Variants in OSBPL9 observed in about 807,000 individuals in gnomAD.
OSBPL9 encodes oxysterol binding protein like 9, also known as oxysterol-binding protein-related protein 9.
Under a neutral mutation model 106.6 loss-of-function variants are expected in OSBPL9, and 40 were observed. That is an observed-to-expected ratio of 0.38 (90% CI 0.29 to 0.49). The LOEUF is 0.49. Ranked by LOEUF, OSBPL9 falls within the 20% of genes least tolerant of loss-of-function variation. OSBPL9 has a pLI of 0.97. For synonymous variants in OSBPL9, 269 were observed against 295.4 expected (o/e 0.91, Z 0.92); for missense variants, 609 against 887.2 (o/e 0.69, Z 3.98).
chr1:51,743,927 A>G (rs1266186829), intron 4 of OSBPL9, among the ~76,000 whole-genome samples: 1 of 152,144 alleles, frequency 6.6e-6, no homozygotes, highest in Non-Finnish European at 1.5e-5. Context: ...GTTTAAACAC[A>G]GTTTTATAAA....
intron 15 of OSBPL9, among the ~76,000 whole-genome samples, chr1:51,777,533 C>T (rs1023623789): frequency 2.0e-5 from 3 of 152,254 alleles, no homozygotes; most frequent in African/African-American, 7.2e-5. Flanking sequence ...AGTTCGTCTT[C>T]TCTGCATTCC....
chr1:51,606,819 C>A (rs978359357), intron 2 of OSBPL9, among the ~76,000 whole-genome samples: 3 of 152,096 alleles, frequency 2.0e-5, no homozygotes, highest in East Asian at 1.9e-4. Flanking sequence ...GAGGCCAAGG[C>A]GGGCAGATCA....
chr1:51,540,522 C>T, the OSBPL9 span, among the ~76,000 whole-genome samples: 34 of 151,624 alleles, frequency 2.2e-4, no homozygotes, highest in East Asian at 2.9e-3. Flanking sequence ...GGCGTGGTGG[C>T]GCACGCCTGC....
At chr1:51,618,271 G>A (rs1217578715) in intron 1 of OSBPL9, among the ~76,000 whole-genome samples, 1 of 151,982 alleles carries the variant, frequency 6.6e-6, no homozygotes, top group Non-Finnish European at 1.5e-5. Context: ...CACCCGCCTC[G>A]GCCTCCCAAA....
chr1:51,669,009 A>G (rs1015900651), intron 2 of OSBPL9, among the ~76,000 whole-genome samples: 5 of 152,202 alleles, frequency 3.3e-5, no homozygotes, highest in African/African-American at 4.8e-5. Context: ...ACTAACAAGT[A>G]TATACTATCA....
intron 3 of OSBPL9, among the ~76,000 whole-genome samples, chr1:51,692,078 A>T (rs1655088272): frequency 6.6e-6 from 1 of 152,190 alleles, no homozygotes; most frequent in South Asian, 2.1e-4. Context: ...GAGGCCAGGC[A>T]GGAGGATTGC....
chr1:51,711,999 C>G (rs1660109460), intron 3 of OSBPL9, among the ~76,000 whole-genome samples: 1 of 152,074 alleles, frequency 6.6e-6, no homozygotes, highest in African/African-American at 2.4e-5. Flanking sequence ...CTCCTCACTT[C>G]CCAGACGGGG....
chr1:51,540,762 C>T, the OSBPL9 span, among the ~76,000 whole-genome samples: 7 of 151,980 alleles, frequency 4.6e-5, no homozygotes, highest in African/African-American at 1.2e-4. Flanking sequence ...AATTCCAGAC[C>T]AGCCTGGCCA....
intron 4 of OSBPL9, among the ~76,000 whole-genome samples, chr1:51,719,965 T>C (rs1661771713): frequency 6.6e-6 from 1 of 152,258 alleles, no homozygotes; most frequent in Admixed American, 6.5e-5. Flanking sequence ...CACTACCATG[T>C]GGAACGTGAT....
intron 1 of OSBPL9, among the ~76,000 whole-genome samples, chr1:51,582,519 G>A (rs1013233785): frequency 3.9e-5 from 6 of 151,906 alleles, no homozygotes; most frequent in South Asian, 2.1e-4. Context: ...TAGTAGAGAC[G>A]GGGTTTCACC....
chr1:51,780,093 A>G (rs1433522938), intron 15 of OSBPL9, among the ~76,000 whole-genome samples: 1 of 151,896 alleles, frequency 6.6e-6, no homozygotes, highest in Non-Finnish European at 1.5e-5. Flanking sequence ...GAAAAAAAAA[A>G]AAAAGGCCAA....
chr1:51,582,647 A>C (rs1344805974), intron 1 of OSBPL9, among the ~76,000 whole-genome samples: 1 of 151,254 alleles, frequency 6.6e-6, no homozygotes, highest in Non-Finnish European at 1.5e-5. Context: ...TTTTCAATAG[A>C]TTTCCTTCCT....
chr1:51,522,249 T>C, the OSBPL9 span, among the ~76,000 whole-genome samples: 1 of 152,204 alleles, frequency 6.6e-6, no homozygotes, highest in African/African-American at 2.4e-5. Context: ...GACAGCAGGC[T>C]TGGGTCTTGG....
At chr1:51,786,794 C>T (rs560025544) in intron 22 of OSBPL9, among the ~76,000 whole-genome samples, 177 bp downstream of exon 22, 2 of 152,236 alleles carry the variant, frequency 1.3e-5, no homozygotes, top group East Asian at 3.9e-4. Context: ...ATGGATGGCT[C>T]AGTCAGCTAA....
At chr1:51,670,405 A>T (rs1344407091) in intron 3 of OSBPL9, among the ~76,000 whole-genome samples, 1 of 152,242 alleles carries the variant, frequency 6.6e-6, no homozygotes, top group East Asian at 1.9e-4. Flanking sequence ...GCCAAGATAA[A>T]TAAATATTAA....
intron 1 of OSBPL9, among the ~76,000 whole-genome samples, chr1:51,647,180 A>G: frequency 6.6e-6 from 1 of 152,040 alleles, no homozygotes; most frequent in Non-Finnish European, 1.5e-5. Context: ...TTTTGAGATG[A>G]TCATGTGATT....
chr1:51,734,156 G>A (rs1381598050), intron 4 of OSBPL9, among the ~76,000 whole-genome samples: 1 of 152,168 alleles, frequency 6.6e-6, no homozygotes, highest in African/African-American at 2.4e-5. Context: ...ATGTGCGCAC[G>A]CAGGAGAGAG....
At chr1:51,767,150 C>G (rs1473003657) in intron 12 of OSBPL9, among the ~76,000 whole-genome samples, 2 of 151,756 alleles carry the variant, frequency 1.3e-5, no homozygotes, top group Non-Finnish European at 2.9e-5. Flanking sequence ...TCTCAGCAAT[C>G]TGGGAGGCTG....
intron 14 of OSBPL9, among the ~76,000 whole-genome samples, chr1:51,774,226 T>C (rs1480636336): frequency 2.0e-5 from 3 of 152,170 alleles, no homozygotes; most frequent in Non-Finnish European, 4.4e-5. Flanking sequence ...ACCAGATGTA[T>C]TTGCCACAAT....
Sources: gnomAD v4.1 joint callset for allele counts (sites outside exome capture counted in the v4.1 genomes callset) on GRCh38, gnomAD v4.1.1 for gene constraint, MANE v1.5 for transcripts, NCBI Gene and HGNC (gene_info 2026-07-23, HGNC 2026-07-21) for gene names.